TMEM117: variants seen among roughly 807,000 people sequenced by gnomAD.
TMEM117 encodes the protein transmembrane protein 117.
Under a neutral mutation model 52.4 loss-of-function variants are expected in TMEM117, and 27 were observed. That is an observed-to-expected ratio of 0.51 (90% CI 0.38 to 0.71). The LOEUF is 0.71. Ranked by LOEUF, TMEM117 falls within the 30% of genes least tolerant of loss-of-function variation. TMEM117 has a pLI of 0.00. For missense variants in TMEM117, 556 were observed against 630.5 expected (o/e 0.88, Z 1.26); for synonymous variants, 215 against 206.3 (o/e 1.04, Z -0.36).
At chr12:44,180,942 T>C (rs1949188817) in intron 4 of TMEM117, among the ~76,000 whole-genome samples, 1 of 152,026 alleles carries the variant, frequency 6.6e-6, no homozygotes, top group Non-Finnish European at 1.5e-5. Context: ...ACTTCCACAA[T>C]GGTTGAACTA....
At chr12:43,938,231 ATATTATATAT>A (rs943079794) in intron 2 of TMEM117, among the ~76,000 whole-genome samples, 7 of 148,178 alleles carry the variant, frequency 4.7e-5, no homozygotes, top group South Asian at 2.1e-4. Flanking sequence ...CAACAAGGCT[ATATTATATAT>A]TATTATATAT....
At chr12:43,903,689 G>GGA (rs1944340064) in intron 2 of TMEM117, among the ~76,000 whole-genome samples, 1 of 151,638 alleles carries the variant, frequency 6.6e-6, no homozygotes, top group Non-Finnish European at 1.5e-5. Flanking sequence ...CACTTTACAA[G>GGA]AGAGTTTCTG....
chr12:43,833,124 A>G (rs886511978), upstream of TMEM117, among the ~76,000 whole-genome samples: 1 of 152,080 alleles, frequency 6.6e-6, no homozygotes, highest in African/African-American at 2.4e-5. Flanking sequence ...AGAGAACTAC[A>G]CTCTCTAAGC....
At chr12:44,231,320 C>T (rs538770030) in intron 5 of TMEM117, among the ~76,000 whole-genome samples, 2 of 151,516 alleles carry the variant, frequency 1.3e-5, no homozygotes, top group African/African-American at 2.4e-5. Context: ...TCTCTAGTTT[C>T]GTTTTCATTA....
intron 5 of TMEM117, among the ~76,000 whole-genome samples, chr12:44,294,423 A>G (rs1950742704): frequency 6.6e-6 from 1 of 152,186 alleles, no homozygotes; most frequent in Non-Finnish European, 1.5e-5. Context: ...TTTGCTTATC[A>G]CACATTGTGA....
intron 2 of TMEM117, among the ~76,000 whole-genome samples, chr12:43,869,931 T>C (rs1420480184): frequency 1.3e-5 from 2 of 151,980 alleles, no homozygotes; most frequent in Non-Finnish European, 2.9e-5. Flanking sequence ...CCCCCCATAC[T>C]CTCCTACAGG....
chr12:44,366,319 T>A (rs1290672126), intron 6 of TMEM117, among the ~76,000 whole-genome samples: 1 of 152,082 alleles, frequency 6.6e-6, no homozygotes, highest in Admixed American at 6.6e-5. Flanking sequence ...TGGACTTGTT[T>A]TCCAAAAAGA....
At chr12:44,089,235 A>G (rs1486468046) in intron 3 of TMEM117, among the ~76,000 whole-genome samples, 1 of 152,232 alleles carries the variant, frequency 6.6e-6, no homozygotes, top group Non-Finnish European at 1.5e-5. Flanking sequence ...ACTCCTTGAC[A>G]ATCTTTGCTC....
At chr12:43,886,469 G>A (rs1227327732) in intron 2 of TMEM117, among the ~76,000 whole-genome samples, 3 of 152,218 alleles carry the variant, frequency 2.0e-5, no homozygotes, top group Non-Finnish European at 4.4e-5. Flanking sequence ...ATAGAAGTCA[G>A]ATTGCAGTTG....
chr12:44,303,891 T>A (rs57855837), intron 6 of TMEM117, among the ~76,000 whole-genome samples: 6,205 of 152,180 alleles, frequency 0.041, 428 homozygotes, highest in African/African-American at 0.14. Context: ...CACAATTTTT[T>A]AAAAAAGAGT....
intron 5 of TMEM117, among the ~76,000 whole-genome samples, chr12:44,277,320 T>C (rs1950526385): frequency 6.6e-6 from 1 of 152,166 alleles, no homozygotes; most frequent in African/African-American, 2.4e-5. Flanking sequence ...ATGTTTCCAA[T>C]GAACAATCAT....
intron 6 of TMEM117, among the ~76,000 whole-genome samples, chr12:44,339,012 C>T (rs840773): frequency 0.035 from 5,396 of 152,156 alleles, 291 homozygotes; most frequent in African/African-American, 0.12. Flanking sequence ...CACTGCCCAA[C>T]TATTGGCTCT....
chr12:44,059,378 C>CT (rs1039573995), intron 3 of TMEM117, among the ~76,000 whole-genome samples: 4 of 152,150 alleles, frequency 2.6e-5, no homozygotes, highest in Non-Finnish European at 4.4e-5. Context: ...TTATATATCA[C>CT]TTTTTTCCCC....
chr12:44,350,039 A>G lies in TMEM117; in HGVS notation c.769-26556A>G, dbSNP rs112586690. 9.9e-5 allele frequency among the ~76,000 whole-genome samples: 15 copies of G among 152,152 alleles called. 1 individual carries two copies. Among genetic ancestry groups the G allele is most frequent in the African/African-American group, 2.6e-4 (11 of 41,570 alleles). ...GGCCAGTTAATGGACTATGTTTTCA[A>G]TGGATTCTGTTCTTATCCAAAGCAT... On this transcript the variant is annotated intron_variant, in intron 6 of 7. Coordinates refer to ENST00000266534, the MANE Select transcript of TMEM117 (RefSeq NM_032256.3).
At chr12:44,038,717 A>G (rs1264459448) in intron 3 of TMEM117, among the ~76,000 whole-genome samples, 1 of 152,232 alleles carries the variant, frequency 6.6e-6, no homozygotes, top group Admixed American at 6.5e-5. Context: ...TCCTGTGTAG[A>G]AAACATATTT....
At chr12:43,958,829 CAG>C (rs1945351205) in intron 3 of TMEM117, among the ~76,000 whole-genome samples, 1 of 151,376 alleles carries the variant, frequency 6.6e-6, no homozygotes, top group Non-Finnish European at 1.5e-5. Flanking sequence ...GTTTTTGAGA[CAG>C]AGTCTCACTC....
At chr12:44,187,462 G>C (rs1192891971) in intron 4 of TMEM117, among the ~76,000 whole-genome samples, 1 of 152,120 alleles carries the variant, frequency 6.6e-6, no homozygotes, top group African/African-American at 2.4e-5. Context: ...CTTATCAAAT[G>C]TTTGAAAGTC....
intron 5 of TMEM117, among the ~76,000 whole-genome samples, chr12:44,211,708 A>G (rs1202536822): frequency 2.0e-5 from 3 of 152,208 alleles, no homozygotes; most frequent in Non-Finnish European, 4.4e-5. Context: ...TCTCCTATAA[A>G]TACTAAATTG....
chr12:43,833,024 G>T (rs1038300380), upstream of TMEM117, among the ~76,000 whole-genome samples: 2 of 152,168 alleles, frequency 1.3e-5, no homozygotes, highest in Admixed American at 6.5e-5. Context: ...AAGGCAAAGG[G>T]CACAGGCTTC....
Sources: allele counts gnomAD v4.1 joint callset (sites outside exome capture counted in the v4.1 genomes callset), GRCh38; gene constraint gnomAD v4.1.1; transcripts MANE v1.5; gene names NCBI Gene and HGNC (gene_info 2026-07-23, HGNC 2026-07-21).